The following RSPO3 variants were observed in gnomAD, a reference collection of about 807,000 sequenced individuals.
RSPO3 encodes R-spondin-3.
Under a neutral mutation model 36.5 loss-of-function variants are expected in RSPO3, and 17 were observed. The ratio of observed to expected loss-of-function variants is 0.47; its 90% CI spans 0.32 to 0.70. The LOEUF is 0.70. RSPO3 is among the 30% of genes least tolerant of loss of function. The probability of loss-of-function intolerance (pLI) is 0.04; values close to 1 mark genes in which losing one functional copy is unlikely to be tolerated. For missense variants in RSPO3, 294 were observed against 322.5 expected, an observed-to-expected ratio of 0.91 and a Z score of 0.68; for synonymous variants, 108 against 107.0, an observed-to-expected ratio of 1.01 and a Z score of -0.06.
At chr6:127,140,809 A>G (rs1483902368) in intron 1 of RSPO3, among the ~76,000 whole-genome samples, 5 of 152,090 alleles carry the variant, frequency 3.3e-5, no homozygotes, top group Non-Finnish European at 7.4e-5. Context: ...GGTACCTGTC[A>G]TGTTGCTCCT....
chr6:127,150,692 C>A, intron 3 of RSPO3, 120 bp downstream of exon 3: 1 of 831,778 alleles, frequency 1.2e-6, no homozygotes, highest in Non-Finnish European at 1.8e-6. Flanking sequence ...TAAAGGCTGT[C>A]TCCATCCTTC....
chr6:127,170,192 T>G (rs1774907847), intron 4 of RSPO3, among the ~76,000 whole-genome samples: 1 of 151,774 alleles, frequency 6.6e-6, no homozygotes, highest in South Asian at 2.1e-4. Flanking sequence ...CTTGGCTATC[T>G]ACAGATGCTT....
At chr6:127,173,343 T>A (rs970030983) in intron 4 of RSPO3, among the ~76,000 whole-genome samples, 2 of 151,968 alleles carry the variant, frequency 1.3e-5, no homozygotes, top group East Asian at 3.9e-4. Context: ...GTTAGTGCTA[T>A]CATGTTGTCT....
At chr6:127,167,884 G>A (rs1774853999) in intron 4 of RSPO3, among the ~76,000 whole-genome samples, 1 of 151,842 alleles carries the variant, frequency 6.6e-6, no homozygotes, top group Non-Finnish European at 1.5e-5. Context: ...CCTCATGATA[G>A]TTTGCTGAGA....
chr6:127,149,501 T>G (rs1311350581), intron 2 of RSPO3, among the ~76,000 whole-genome samples: 3 of 152,092 alleles, frequency 2.0e-5, no homozygotes, highest in Non-Finnish European at 4.4e-5. Context: ...GAAAGCTTTT[T>G]GTCCACATCT....
In RSPO3 at chr6:127,155,440, T is replaced by A. The variant is rs1262620114; in HGVS notation, c.634+2T>A. ...AGAAGTGTCAGAAGGGAGAACGAGG[T>A]ACAATCATAATAACAAAATGTGCTT... On this transcript the variant is annotated splice_donor_variant, in intron 4 of 4. Coordinates refer to ENST00000356698, the MANE Select transcript of RSPO3 (RefSeq NM_032784.5). LOFTEE classifies it high-confidence loss of function. 6.2e-7 allele frequency: 1 copy of A among 1,612,134 alleles called. No individual in the cohort carries two copies. Among genetic ancestry groups the A allele is most frequent in the South Asian group, 1.1e-5 (1 of 90,974 alleles).
chr6:127,183,771 G>A (rs1276016580), intron 4 of RSPO3, among the ~76,000 whole-genome samples: 1 of 151,940 alleles, frequency 6.6e-6, no homozygotes, highest in African/African-American at 2.4e-5. Context: ...AATTATGCAA[G>A]TAAATCAGGG....
chr6:127,120,611 G>A (rs1201185242), intron 1 of RSPO3, among the ~76,000 whole-genome samples: 1 of 152,214 alleles, frequency 6.6e-6, no homozygotes, highest in African/African-American at 2.4e-5. Flanking sequence ...ATCGCTTCTC[G>A]GCCGCTGTTT....
chr6:127,197,642 C>A lies in RSPO3; in HGVS notation c.*1635C>A. 7.8e-7 allele frequency: 1 copy of A among 1,287,926 alleles called. No individual in the cohort carries two copies. Among genetic ancestry groups the A allele is most frequent in the Non-Finnish European group, 1.0e-6 (1 of 957,618 alleles). The allele number at this position is 1,287,926 out of a possible 1,614,324, so 79.8% of individuals were successfully genotyped here. On this transcript the variant is annotated 3_prime_UTR_variant, in exon 5 of 5. Transcript: ENST00000356698. ...TCTGAAGAATTTGCAATGACTCTGGCTTCTGGCTGCTTATCTCTGGACACC... is the reference window on the plus strand; with the variant it reads ...TCTGAAGAATTTGCAATGACTCTGGATTCTGGCTGCTTATCTCTGGACACC...
At chr6:127,119,641 C>T (rs1361158622) in intron 1 of RSPO3, among the ~76,000 whole-genome samples, 1 of 152,232 alleles carries the variant, frequency 6.6e-6, no homozygotes, top group Non-Finnish European at 1.5e-5. Flanking sequence ...CAGCCGAAGG[C>T]ACTTGGGACT....
intron 4 of RSPO3, among the ~76,000 whole-genome samples, chr6:127,163,038 C>T (rs2114604941): frequency 6.6e-6 from 1 of 152,202 alleles, no homozygotes; most frequent in South Asian, 2.1e-4. Context: ...ACCCCAAGAC[C>T]TTGGCTTCCT....
chr6:127,192,881 A>C (rs1447127904), intron 4 of RSPO3, among the ~76,000 whole-genome samples: 1 of 152,126 alleles, frequency 6.6e-6, no homozygotes, highest in East Asian at 1.9e-4. Flanking sequence ...CATCAATGAA[A>C]AGTCACCAGA....
Position 127,197,703 on chromosome 6 carries a change from T to A in RSPO3, c.*1696T>A. 1 of 620,804 alleles carries A rather than the reference T, an allele frequency of 1.6e-6. No homozygotes were observed. The highest frequency in any genetic ancestry group is 2.6e-6 in the Non-Finnish European group (1 of 386,786). 38.5% of individuals were successfully genotyped at this position (620,804 alleles called of 1,614,324 possible). ...CAGTTGTACAGTTCATGTAATCTAC[T>A]TGGCTTAATTGATTTTCCACTTCTC... On this transcript the variant is annotated 3_prime_UTR_variant, in exon 5 of 5. Coordinates refer to ENST00000356698, the MANE Select transcript of RSPO3 (RefSeq NM_032784.5).
intron 1 of RSPO3, among the ~76,000 whole-genome samples, chr6:127,121,271 C>T (rs1432043735): frequency 6.6e-6 from 1 of 152,200 alleles, no homozygotes. Context: ...GCGAGGACCA[C>T]GGCGCAGGAA....
chr6:127,148,576 C>A, intron 1 of RSPO3, 72 bp from the exon 2 acceptor site: 1 of 1,281,052 alleles, frequency 7.8e-7, no homozygotes, highest in Non-Finnish European at 1.1e-6. Context: ...GAACATATAT[C>A]CTGCCCAGAA....
intron 4 of RSPO3, among the ~76,000 whole-genome samples, chr6:127,169,023 CA>C (rs779605376): frequency 2.6e-5 from 4 of 151,842 alleles, no homozygotes; most frequent in Non-Finnish European, 5.9e-5. Flanking sequence ...AGTTTGAAGT[CA>C]GGTAGCATGA....
At chr6:127,164,646 A>G (rs577170983) in intron 4 of RSPO3, among the ~76,000 whole-genome samples, 12 of 152,174 alleles carry the variant, frequency 7.9e-5, no homozygotes, top group African/African-American at 2.6e-4. Context: ...AGACATGTCC[A>G]TGTCCATTTC....
At chr6:127,130,869 G>A (rs747074811) in intron 1 of RSPO3, among the ~76,000 whole-genome samples, 8 of 151,852 alleles carry the variant, frequency 5.3e-5, no homozygotes, top group Non-Finnish European at 1.0e-4. Flanking sequence ...AAGGACCCTC[G>A]TTGCTTGTTT....
chr6:127,168,541 A>G (rs1486612407), intron 4 of RSPO3, among the ~76,000 whole-genome samples: 2 of 152,000 alleles, frequency 1.3e-5, no homozygotes, highest in Non-Finnish European at 2.9e-5. Flanking sequence ...ATTTTCTCCC[A>G]TTCTGTAGGT....
Sources: allele counts gnomAD v4.1 joint callset (sites outside exome capture counted in the v4.1 genomes callset), GRCh38; gene constraint gnomAD v4.1.1; transcripts MANE v1.5; gene names NCBI Gene and HGNC (gene_info 2026-07-23, HGNC 2026-07-21).